ARHGEF11: variants seen among roughly 807,000 people sequenced by gnomAD.
ARHGEF11 encodes Rho guanine nucleotide exchange factor 11.
ARHGEF11 carries 55 observed loss-of-function variants against 193.7 expected under a neutral mutation model. The ratio of observed to expected loss-of-function variants is 0.28; its 90% CI spans 0.23 to 0.36. The LOEUF is 0.36. ARHGEF11 is among the 10% of genes least tolerant of loss of function. The pLI, the probability that ARHGEF11 is intolerant of heterozygous loss-of-function variation, is 1.00. For missense variants in ARHGEF11, 1,723 were observed against 2,005.6 expected (o/e 0.86, Z 2.69); for synonymous variants, 693 against 768.0 (o/e 0.90, Z 1.62).
At chr1:156,941,776 A>G in intron 34 of ARHGEF11, 88 bp downstream of exon 34, 4 of 1,508,938 alleles carry the variant, frequency 2.7e-6, no homozygotes, top group Non-Finnish European at 2.7e-6. Flanking sequence ...GTGGCTGTCT[A>G]CCCACGGGGG....
intron 26 of ARHGEF11, 28 bp downstream of exon 26, chr1:156,947,276 G>C (rs777102961): frequency 6.3e-7 from 1 of 1,580,214 alleles, no homozygotes; most frequent in South Asian, 1.2e-5. Flanking sequence ...CAGCAGAAGA[G>C]GAGTCTGGAG....
intron 1 of ARHGEF11, among the ~76,000 whole-genome samples, chr1:156,994,771 TTGG>T (rs1473639873): frequency 6.6e-6 from 1 of 152,214 alleles, no homozygotes; most frequent in African/African-American, 2.4e-5. Flanking sequence ...CAGCCCTTTC[TTGG>T]CTATGTAGTC....
At chr1:156,973,091 T>G (rs1662739055) in intron 7 of ARHGEF11, among the ~76,000 whole-genome samples, 1 of 152,166 alleles carries the variant, frequency 6.6e-6, no homozygotes, top group South Asian at 2.1e-4. Flanking sequence ...TTTTCTGATT[T>G]TATTTTATTT....
chr1:156,953,671 G>A (rs1659453284), intron 21 of ARHGEF11, among the ~76,000 whole-genome samples: 1 of 152,022 alleles, frequency 6.6e-6, no homozygotes, highest in Non-Finnish European at 1.5e-5. Context: ...GCATCCCATT[G>A]CTGTCTCTCT....
chr1:156,978,063 A>ACTCTTTCAATGGTCTTTCAT, intron 6 of ARHGEF11, 141 bp downstream of exon 6: 1 of 1,334,170 alleles, frequency 7.5e-7, no homozygotes, highest in Non-Finnish European at 1.0e-6. Flanking sequence ...TTTTTGTTCA[A>ACTCTTTCAATGGTCTTTCAT]CTCTTTCAAT....
chr1:157,035,351 T>C lies in ARHGEF11; in HGVS notation c.32+8948A>G, dbSNP rs1457649255. Among the ~76,000 whole-genome samples, 3 of 151,858 alleles carry C rather than the reference T, an allele frequency of 2.0e-5. No individual in the cohort carries two copies. The East Asian group carries it at 5.8e-4, about 29-fold the overall frequency. Reference sequence around the variant, plus strand: ...AATCTGGGGTCCCTGCCAAACCAAATGCCCTAACAACACTCACCGTATGTT... The same window carrying C: ...AATCTGGGGTCCCTGCCAAACCAAACGCCCTAACAACACTCACCGTATGTT... On this transcript the variant is annotated intron_variant, in intron 1 of 40. Transcript: ENST00000368194.
chr1:156,983,573 C>CCA (rs1664511103), intron 3 of ARHGEF11, among the ~76,000 whole-genome samples: 1 of 152,202 alleles, frequency 6.6e-6, no homozygotes, highest in Non-Finnish European at 1.5e-5. Flanking sequence ...AACAGTGGTT[C>CCA]CACTACCTGG....
chr1:156,982,007 C>T (rs1664253448), intron 3 of ARHGEF11, among the ~76,000 whole-genome samples: 2 of 152,286 alleles, frequency 1.3e-5, no homozygotes, highest in Non-Finnish European at 1.5e-5. Flanking sequence ...TGACTACATT[C>T]CAATTTGGCT....
In ARHGEF11 at chr1:156,963,854, A is replaced by C. The variant is rs1165231936; in HGVS notation, c.964-260T>G. ...GACATATGAAGATGGGAAGTAGGAG[A>C]AAATGCTCTCTTCCTGTTTGCAAAA... On this transcript the variant is annotated intron_variant, in intron 11 of 40. Transcript: ENST00000368194. 5 of 1,069,152 alleles carry C rather than the reference A, an allele frequency of 4.7e-6. No individual in the cohort carries two copies. In the East Asian group the frequency reaches 1.4e-4, roughly 29 times the overall value. The allele number at this position is 1,069,152 out of a possible 1,614,324, so 66.2% of individuals were successfully genotyped here.
chr1:156,979,002 A>G (rs1663686469), intron 5 of ARHGEF11, among the ~76,000 whole-genome samples: 1 of 152,320 alleles, frequency 6.6e-6, no homozygotes, highest in East Asian at 1.9e-4. Context: ...TGTGGGTAAA[A>G]ATGAAGATGT....
chr1:157,044,224 TA>T, intron 1 of ARHGEF11, 74 bp downstream of exon 1: 1 of 1,422,580 alleles, frequency 7.0e-7, no homozygotes, highest in South Asian at 1.1e-5. Flanking sequence ...TTCAACCATT[TA>T]TTAAAATGCA....
intron 12 of ARHGEF11, 41 bp downstream of exon 12, chr1:156,963,479 C>CAA: frequency 6.4e-7 from 1 of 1,561,886 alleles, no homozygotes; most frequent in Non-Finnish European, 8.7e-7. Flanking sequence ...GCTTGTATGA[C>CAA]AAAAAAAAAT....
chr1:156,991,644 T>C (rs1021443241), intron 1 of ARHGEF11, among the ~76,000 whole-genome samples: 31 of 150,680 alleles, frequency 2.1e-4, no homozygotes, highest in Non-Finnish European at 4.0e-4. Flanking sequence ...TGTTATCAAT[T>C]TGAGATATAT....
chr1:157,038,341 C>T (rs1157629331), intron 1 of ARHGEF11, among the ~76,000 whole-genome samples: 2 of 152,170 alleles, frequency 1.3e-5, no homozygotes, highest in East Asian at 3.8e-4. Flanking sequence ...TTCAAAGCCC[C>T]TTTCTCACAT....
At position 156,935,712 on chromosome 1, in the gene ARHGEF11, G is replaced by A. The variant is rs1299042147; in HGVS notation, c.*288C>T. ...GCGCGTGTACACACATATGTGGGGTGAGGGCAGACCATGGTGAGTGGGGGC... is the reference window on the plus strand; with the variant it reads ...GCGCGTGTACACACATATGTGGGGTAAGGGCAGACCATGGTGAGTGGGGGC... On this transcript the variant is annotated 3_prime_UTR_variant, in exon 41 of 41. Transcript: ENST00000368194. 12 of 424,684 alleles carry A rather than the reference G, an allele frequency of 2.8e-5. No individual in the cohort carries two copies. Among genetic ancestry groups the A allele is most frequent in the East Asian group, 2.0e-4 (5 of 25,258 alleles). The allele number at this position is 424,684 out of a possible 1,614,324, so 26.3% of individuals were successfully genotyped here.
chr1:156,954,795 A>G, intron 21 of ARHGEF11, 97 bp downstream of exon 21: 2 of 1,009,604 alleles, frequency 2.0e-6, no homozygotes, highest in Non-Finnish European at 3.1e-6. Context: ...GAGGAACAGG[A>G]TGGGAGATGA....
At chr1:156,938,383 T>C (rs1655981462) in intron 38 of ARHGEF11, 35 bp downstream of exon 38, 1 of 1,598,450 alleles carries the variant, frequency 6.3e-7, no homozygotes, top group South Asian at 1.1e-5. Context: ...ACTCCAGTCT[T>C]GGCCTGTCTT....
Position 156,963,189 on chromosome 1 carries a change from T to C in ARHGEF11, c.1140+14A>G, listed in dbSNP as rs748148159. The C allele has an allele frequency of 1.3e-5, 20 of 1,592,804 alleles. No individual in the cohort carries two copies. Among genetic ancestry groups the C allele is most frequent in the African/African-American group, 6.7e-5 (5 of 74,454 alleles). ...CCAGCAGGCACTCAATCAAGACAGA[T>C]GATTCTGACTTACCAGTGGACTGGG... On this transcript the variant is annotated intron_variant, in intron 13 of 40. Transcript: ENST00000368194.
At chr1:156,957,909 GAAA>G in intron 17 of ARHGEF11, 94 bp from the exon 18 acceptor site, 1 of 1,239,988 alleles carries the variant, frequency 8.1e-7, no homozygotes, top group Non-Finnish European at 1.2e-6. Context: ...TTTCCTAGAT[GAAA>G]GGAGGGTTAG....
Sources: gnomAD v4.1 joint callset for allele counts (sites outside exome capture counted in the v4.1 genomes callset) on GRCh38, gnomAD v4.1.1 for gene constraint, MANE v1.5 for transcripts, NCBI Gene and HGNC (gene_info 2026-07-23, HGNC 2026-07-21) for gene names.